The following CACNA2D4 variants were observed in gnomAD, a reference collection of about 807,000 sequenced individuals.
The protein encoded by CACNA2D4 is voltage-dependent calcium channel subunit alpha-2/delta-4.
Under a neutral mutation model 163.8 loss-of-function variants are expected in CACNA2D4, and 157 were observed. The ratio of observed to expected loss-of-function variants is 0.96; its 90% confidence interval spans 0.84 to 1.09. CACNA2D4 has a LOEUF of 1.09. Among genes scored for constraint, CACNA2D4 ranks in the 50% least tolerant of loss-of-function variants. CACNA2D4 has a pLI of 0.00. For synonymous variants in CACNA2D4, 598 were observed against 586.9 expected, an observed-to-expected ratio of 1.02 and a Z score of -0.27; for missense variants, 1,410 against 1,479.9, an observed-to-expected ratio of 0.95 and a Z score of 0.78.
chr12:1,884,598 C>T (rs1866088402), intron 11 of CACNA2D4, among the ~76,000 whole-genome samples, 170 bp downstream of exon 11: 2 of 152,020 alleles, frequency 1.3e-5, no homozygotes, highest in Non-Finnish European at 2.9e-5. Flanking sequence ...CTCTGTGTCT[C>T]GGGTAGCCAT....
chr12:1,814,019 G>A (rs1863799816), intron 26 of CACNA2D4, among the ~76,000 whole-genome samples: 1 of 152,160 alleles, frequency 6.6e-6, no homozygotes, highest in Admixed American at 6.5e-5. Flanking sequence ...TGTAGGAAAA[G>A]GCTAAATGAA....
At chr12:1,852,839 G>A (rs1472072704) in intron 23 of CACNA2D4, among the ~76,000 whole-genome samples, 2 of 152,104 alleles carry the variant, frequency 1.3e-5, no homozygotes, top group Non-Finnish European at 2.9e-5. Flanking sequence ...TTCCAGCTCT[G>A]CCACTTTCGA....
At chr12:1,904,367 G>A (rs1209184372) in intron 6 of CACNA2D4, among the ~76,000 whole-genome samples, 2 of 149,618 alleles carry the variant, frequency 1.3e-5, no homozygotes, top group Non-Finnish European at 3.0e-5. Flanking sequence ...AACTAAAAGA[G>A]TATAATTGGA....
At chr12:1,895,960 G>A (rs757286021) in intron 6 of CACNA2D4, among the ~76,000 whole-genome samples, 82 of 151,982 alleles carry the variant, frequency 5.4e-4, no homozygotes, top group African/African-American at 1.9e-3. Flanking sequence ...AATTTTCAAC[G>A]AAGGCACCAA....
intron 1 of CACNA2D4, 194 bp from the exon 2 acceptor site, chr12:1,915,129 C>T (rs1866935552): frequency 1.4e-6 from 1 of 704,426 alleles, no homozygotes; most frequent in Non-Finnish European, 2.6e-6. Context: ...ACATACATAC[C>T]CCCCACACAC....
At position 1,879,820 on chromosome 12, in the gene CACNA2D4, C is replaced by T. The variant is rs542298265; in HGVS notation, c.1547G>A (p.Ser516Asn). Residue 516 changes from serine (S) to asparagine (N), a missense_variant, in exon 14 of 38, where the codon AGC (serine) becomes AAC (asparagine). Coordinates refer to ENST00000382722, the MANE Select transcript of CACNA2D4 (RefSeq NM_172364.5). ...LLTTVAMPVF[S>N]KKNETRSHGI... ...GCCACTCACCGTTTCGTTCTTCTTG[C>T]TGAAGACTGGCATGGCCACAGTGGT... is the stretch of plus-strand genomic sequence containing the variant. 1.2e-6 allele frequency: 2 copies of T among 1,602,296 alleles called. No homozygotes were observed.
At position 1,912,952 on chromosome 12, in the gene CACNA2D4, G is replaced by A. The variant is rs574889111; in HGVS notation, c.426+71C>T. The A allele has an allele frequency of 1.3e-4, 120 of 910,722 alleles. 1 individual carries two copies. In the South Asian group the frequency reaches 1.5e-3, roughly 11 times the overall value. The allele number at this position is 910,722 out of a possible 1,614,324, so 56.4% of individuals were successfully genotyped here. Reference sequence around the variant, plus strand: ...GGGGAGGATGCAGGGCCATGACATCGGGAGGGTCACTCTGCCACCTGCGTC... The same window carrying A: ...GGGGAGGATGCAGGGCCATGACATCAGGAGGGTCACTCTGCCACCTGCGTC... On this transcript the variant is annotated intron_variant, in intron 3 of 37. Transcript: ENST00000382722.
chr12:1,884,181 G>A (rs1471815425), intron 12 of CACNA2D4, 62 bp downstream of exon 12: 1 of 1,487,268 alleles, frequency 6.7e-7, no homozygotes, highest in South Asian at 1.2e-5. Context: ...TTCCAGGGCT[G>A]GGTAACCCTG....
chr12:1,893,308 G>A (rs552782861), intron 6 of CACNA2D4, among the ~76,000 whole-genome samples: 1 of 152,096 alleles, frequency 6.6e-6, no homozygotes, highest in African/African-American at 2.4e-5. Context: ...ACGAGGTCAG[G>A]AGTTGAAGAT....
In CACNA2D4 at chr12:1,802,703, G is replaced by A. The variant is rs1174834219; in HGVS notation, c.2722-1059C>T. ...GAAAAATGGCAGCCATCGTTAGGAG[G>A]AGAGGTCCGGGGTCCGGCTTGGCTG... On this transcript the variant is annotated intron_variant, in intron 29 of 37. Coordinates refer to ENST00000382722, the MANE Select transcript of CACNA2D4 (RefSeq NM_172364.5). This position sits in a 1 kb window ranked among gnomAD's most constrained non-coding sequence, Gnocchi z 4.7. Among the ~76,000 whole-genome samples the A allele has an allele frequency of 1.3e-5, 2 of 152,218 alleles. No individual in the cohort carries two copies. Among genetic ancestry groups the A allele is most frequent in the African/African-American group, 4.8e-5 (2 of 41,446 alleles).
chr12:1,917,669 T>C lies in CACNA2D4; in HGVS notation c.227+578A>G, dbSNP rs1284041642. 1.3e-5 allele frequency among the ~76,000 whole-genome samples: 2 copies of C among 152,150 alleles called. No homozygotes were observed. The highest frequency in any genetic ancestry group is 4.8e-5 in the African/African-American group (2 of 41,444). ...GGTTCTTTCCTGGAGCCGGTCTTAA[T>C]GGCCGGCTAGAGAATCAAGGTTGGA... On this transcript the variant is annotated intron_variant, in intron 1 of 37. Coordinates refer to ENST00000382722, the MANE Select transcript of CACNA2D4 (RefSeq NM_172364.5). This position sits in a 1 kb window ranked among gnomAD's most constrained non-coding sequence, Gnocchi z 4.3.
chr12:1,884,968 G>A lies in CACNA2D4; in HGVS notation c.1158+19C>T, dbSNP rs758400635. 2 of 1,609,994 alleles carry A rather than the reference G, an allele frequency of 1.2e-6. No homozygotes were observed. Among genetic ancestry groups the A allele is most frequent in the South Asian group, 2.2e-5 (2 of 90,968 alleles). On this transcript the variant is annotated intron_variant, in intron 10 of 37. Coordinates refer to ENST00000382722, the MANE Select transcript of CACNA2D4 (RefSeq NM_172364.5). ...CTTCCTCCCAGTCCTCCCCTCCCAG[G>A]CCTCATTACAGTGGGCACCTGCTTC... is the stretch of plus-strand genomic sequence containing the variant.
intron 26 of CACNA2D4, among the ~76,000 whole-genome samples, chr12:1,817,902 C>A (rs1444290235): frequency 6.6e-6 from 1 of 152,184 alleles, no homozygotes; most frequent in African/African-American, 2.4e-5. Flanking sequence ...TGCCCGGCCA[C>A]CACCCCGTCT....
intron 31 of CACNA2D4, 68 bp downstream of exon 31, chr12:1,800,975 C>T: frequency 6.9e-7 from 1 of 1,455,830 alleles, no homozygotes; most frequent in East Asian, 2.3e-5. Context: ...GGACCAGTGA[C>T]CTCATTCCAG....
At chr12:1,915,972 C>T (rs1866967325) in intron 1 of CACNA2D4, among the ~76,000 whole-genome samples, 1 of 152,156 alleles carries the variant, frequency 6.6e-6, no homozygotes, top group Non-Finnish European at 1.5e-5. Context: ...TTGAAGGTGC[C>T]CATGAAGGTT....
intron 26 of CACNA2D4, among the ~76,000 whole-genome samples, chr12:1,832,319 C>T (rs972751552): frequency 6.6e-6 from 1 of 152,196 alleles, no homozygotes; most frequent in Non-Finnish European, 1.5e-5. Context: ...GAAACAATAT[C>T]TATTTCGTAG....
intron 6 of CACNA2D4, among the ~76,000 whole-genome samples, chr12:1,905,786 T>C (rs1866646484): frequency 6.6e-6 from 1 of 152,158 alleles, no homozygotes; most frequent in African/African-American, 2.4e-5. Flanking sequence ...GGTGGTCTAC[T>C]GATTCATTGC....
chr12:1,845,366 T>C (rs1409931601), intron 24 of CACNA2D4, among the ~76,000 whole-genome samples: 1 of 92,572 alleles, frequency 1.1e-5, no homozygotes, highest in Non-Finnish European at 2.0e-5. Flanking sequence ...CTCTGCCTTC[T>C]CCACCTCCGC....
intron 4 of CACNA2D4, among the ~76,000 whole-genome samples, chr12:1,909,461 T>G (rs1353349713): frequency 6.6e-6 from 1 of 152,262 alleles, no homozygotes; most frequent in African/African-American, 2.4e-5. Flanking sequence ...CCCAAAGTGC[T>G]GGGATTACAG....
Sources: allele counts gnomAD v4.1 joint callset (sites outside exome capture counted in the v4.1 genomes callset), GRCh38; gene constraint gnomAD v4.1.1; non-coding constraint Gnocchi (gnomAD v3.1); transcripts MANE v1.5; gene names NCBI Gene and HGNC (gene_info 2026-07-23, HGNC 2026-07-21).